CCDC124: variants seen among roughly 807,000 people sequenced by gnomAD.
CCDC124 encodes the protein coiled-coil domain-containing protein 124.
Under a neutral mutation model 19.8 loss-of-function variants are expected in CCDC124, and 9 were observed. The ratio of observed to expected loss-of-function variants is 0.45; its 90% CI spans 0.27 to 0.79. CCDC124 has a LOEUF of 0.79. Ranked by LOEUF, CCDC124 falls within the 30% of genes least tolerant of loss-of-function variation. CCDC124 has a pLI of 0.14. For missense variants in CCDC124, 285 were observed against 319.0 expected, an observed-to-expected ratio of 0.89 and a Z score of 0.81; for synonymous variants, 126 against 131.3, an observed-to-expected ratio of 0.96 and a Z score of 0.27.
At chr19:17,936,115 G>A (rs2031055842) in intron 1 of CCDC124, 3 of 258,774 alleles carry the variant, frequency 1.2e-5, no homozygotes, top group Admixed American at 5.3e-5. Flanking sequence ...GTGTTGGCCA[G>A]GCTAGTCTCG....
In CCDC124 at chr19:17,943,629, C is replaced by G. The variant is rs751482394; in HGVS notation, c.586C>G (p.Leu196Val). 1 of 1,612,874 alleles carries G rather than the reference C, an allele frequency of 6.2e-7. No individual in the cohort carries two copies. Among genetic ancestry groups the G allele is most frequent in the Non-Finnish European group, 8.5e-7 (1 of 1,179,968 alleles). ...QENPNMRLSQ[L>V]KQLLKKEWLR... ...GAACCCCAACATGCGGCTGTCGCAG[C>G]TGAAACAGCTGCTCAAGAAGGAGTG... The change falls in exon 5 of 5, where the codon CTG (leucine) becomes GTG (valine). Residue 196 changes from leucine to valine, a missense_variant. Leu to Val is a conservative substitution (Grantham distance 32, BLOSUM62 1). Transcript: ENST00000445755.
At chr19:17,935,379 G>C (rs1194726848) in intron 1 of CCDC124, among the ~76,000 whole-genome samples, 1 of 152,064 alleles carries the variant, frequency 6.6e-6, no homozygotes, top group Non-Finnish European at 1.5e-5. Context: ...GACAGAGGTG[G>C]TATTTGCACA....
At chr19:17,940,275 C>G (rs1323141262) in intron 2 of CCDC124, among the ~76,000 whole-genome samples, 1 of 152,074 alleles carries the variant, frequency 6.6e-6, no homozygotes, top group African/African-American at 2.4e-5. Flanking sequence ...GGTCAGAAAG[C>G]ATGTACCTCT....
chr19:17,936,553 C>G lies in CCDC124; in HGVS notation c.133C>G (p.His45Asp), dbSNP rs2031069526. 3 of 1,613,284 alleles carry G rather than the reference C, an allele frequency of 1.9e-6. No homozygotes were observed. The highest frequency in any genetic ancestry group is 2.5e-6 in the Non-Finnish European group (3 of 1,179,776). The change falls in exon 2 of 5, where the codon CAC becomes GAC. Residue 45 changes from histidine to aspartate, a missense_variant. Transcript: ENST00000445755. ...EDAYWKDDDK[H>D]VMRKEQRKEE... The stretch of plus-strand genomic sequence containing the variant: ...TGCCTACTGGAAGGACGACGACAAA[C>G]ACGTCATGAGGAAGGAGCAGCGCAA...
chr19:17,943,382 G>C lies in CCDC124; in HGVS notation c.464+7G>C. 4.4e-6 allele frequency: 7 copies of C among 1,576,476 alleles called. No homozygotes were observed. The highest frequency in any genetic ancestry group is 6.0e-6 in the Non-Finnish European group (7 of 1,164,918). ...ACGCCATTGCAGTGCTCAGGTAACG[G>C]GGCGGGGCCTGGGGCTTTCCCAGGG... is the stretch of plus-strand genomic sequence containing the variant. On this transcript the variant is annotated splice_region_variant and intron_variant, in intron 4 of 4. Coordinates refer to ENST00000445755, the MANE Select transcript of CCDC124 (RefSeq NM_001136203.2).
rs775448977 is a variant in CCDC124, at chr19:17,943,278, C to T, written c.367C>T (p.His123Tyr). 3.5e-6 allele frequency: 5 copies of T among 1,448,362 alleles called. No individual in the cohort carries two copies. The East Asian group carries it at 1.4e-4, about 41-fold the overall frequency. The allele number at this position is 1,448,362 out of a possible 1,614,324, so 89.7% of individuals were successfully genotyped here. A position where few individuals can be genotyped will look rare whatever the true frequency, so the allele number is the denominator to read the frequency against. Residue 123 changes from histidine (H) to tyrosine (Y), a missense_variant, in exon 4 of 5, where the codon CAT becomes TAT. Transcript: ENST00000445755. ...CCGCCCAGCCGAGAAAGCCAAGAGCCATCTGGAGGTGCCGCTGGAGGAGAA... is the reference window on the plus strand; with the variant it reads ...CCGCCCAGCCGAGAAAGCCAAGAGCTATCTGGAGGTGCCGCTGGAGGAGAA... ...APDTAEKAKS[H>Y]LEVPLEENVN...
chr19:17,940,330 G>A (rs934268109), intron 2 of CCDC124, among the ~76,000 whole-genome samples: 4 of 152,166 alleles, frequency 2.6e-5, no homozygotes, highest in African/African-American at 9.7e-5. Flanking sequence ...TATGGAGGGG[G>A]TTGGACAGGC....
intron 2 of CCDC124, among the ~76,000 whole-genome samples, chr19:17,937,466 T>G (rs1228614026): frequency 6.6e-6 from 1 of 152,060 alleles, no homozygotes; most frequent in Non-Finnish European, 1.5e-5. Flanking sequence ...AGATGGTCAT[T>G]CTCACCGTGG....
chr19:17,939,416 A>T (rs2031127263), intron 2 of CCDC124, among the ~76,000 whole-genome samples: 1 of 152,016 alleles, frequency 6.6e-6, no homozygotes, highest in African/African-American at 2.4e-5. Context: ...AAAATAAAAC[A>T]AAAAGATCCA....
rs1160023166 is a variant in CCDC124 at position 17,942,812 on chromosome 19, C to G, written c.316C>G (p.Arg106Gly). The change falls in exon 3 of 5, where the codon CGA (arginine) becomes GGA (glycine). Residue 106 changes from arginine (R) to glycine (G), a missense_variant. Transcript: ENST00000445755. The surrounding 1 kb of genome is among the most constrained non-coding windows in gnomAD (Gnocchi z 4.2). ...TRAQIEDTLR[R>G]DHQLREAPDT... is the part of the protein sequence containing the mutation. Reference sequence around the variant, plus strand: ...GGCCCAGATCGAGGACACGCTGCGCCGAGACCATCAGCTCAGGGAGGCCCC... The same window carrying G: ...GGCCCAGATCGAGGACACGCTGCGCGGAGACCATCAGCTCAGGGAGGCCCC... The G allele has an allele frequency of 1.3e-6, 2 of 1,535,982 alleles. No homozygotes were observed. The highest frequency in any genetic ancestry group is 2.4e-5 in the East Asian group (1 of 40,864).
chr19:17,936,455 C>T lies in CCDC124; in HGVS notation c.35C>T (p.Ser12Leu), dbSNP rs372697039. ...PKKFQGENTKSAAARARRAEA... is the reference protein window; with the variant it reads ...PKKFQGENTKLAAARARRAEA... ...AAGTTCCAGGGTGAGAACACCAAGT[C>T]GGCAGCGGCCCGGGCACGTAGGGCA... The change falls in exon 2 of 5, where the codon TCG (serine) becomes TTG (leucine). Residue 12 changes from serine (S) to leucine (L), a missense_variant. Transcript: ENST00000445755. 52 of 1,613,272 alleles carry T rather than the reference C, an allele frequency of 3.2e-5. No individual in the cohort carries two copies. The highest frequency in any genetic ancestry group is 4.3e-5 in the Non-Finnish European group (51 of 1,179,860).
In CCDC124 at chr19:17,942,057, G is replaced by C. The variant is rs2031195405; in HGVS notation, c.160-599G>C. ...CCGTAGCCCAGATGTCCCTCATCCA[G>C]CCAGCATCAGGGCTTCCCTGGGCGG... On this transcript the variant is annotated intron_variant, in intron 2 of 4. Coordinates refer to ENST00000445755, the MANE Select transcript of CCDC124 (RefSeq NM_001136203.2). This position sits in a 1 kb window ranked among gnomAD's most constrained non-coding sequence, Gnocchi z 4.2. Among the ~76,000 whole-genome samples the C allele has an allele frequency of 6.6e-6, 1 of 152,156 alleles. No homozygotes were observed. The highest frequency in any genetic ancestry group is 1.9e-4 in the East Asian group (1 of 5,194).
At position 17,942,715 on chromosome 19, in the gene CCDC124, A is replaced by C. The variant is rs201985798; in HGVS notation, c.219A>C (p.Leu73=). The C allele has an allele frequency of 1.7e-5, 27 of 1,553,194 alleles. No individual in the cohort carries two copies. In the East Asian group the frequency reaches 5.7e-4, roughly 33 times the overall value. The change falls in exon 3 of 5, where the codon CTA becomes CTC. Residue 73 remains leucine (L), a synonymous_variant. Transcript: ENST00000445755. This position sits in a 1 kb window ranked among gnomAD's most constrained non-coding sequence, Gnocchi z 4.2. ...QLERKKETQR[L]LEEEDSKLKG... Reference sequence around the variant, plus strand: ...AACGTAAGAAGGAGACGCAGCGCCTACTGGAGGAGGAGGACTCCAAGCTCA... The same window carrying C: ...AACGTAAGAAGGAGACGCAGCGCCTCCTGGAGGAGGAGGACTCCAAGCTCA...
chr19:17,942,769 G>A lies in CCDC124; in HGVS notation c.273G>A (p.Thr91=), dbSNP rs986461196. 3 of 1,547,912 alleles carry A rather than the reference G, an allele frequency of 1.9e-6. No homozygotes were observed. The highest frequency in any genetic ancestry group is 2.1e-4 in the Middle Eastern group (1 of 4,716). The change falls in exon 3 of 5, where the codon ACG becomes ACA. Residue 91 remains threonine, a synonymous_variant. Coordinates refer to ENST00000445755, the MANE Select transcript of CCDC124 (RefSeq NM_001136203.2). This position sits in a 1 kb window ranked among gnomAD's most constrained non-coding sequence, Gnocchi z 4.2. ...GCGGCAAGGCGCCGCGGGTGGCCAC[G>A]TCCAGCAAGGTCACCCGGGCCCAGA... is the stretch of plus-strand genomic sequence containing the variant. ...LKGGKAPRVA[T]SSKVTRAQIE...
intron 2 of CCDC124, among the ~76,000 whole-genome samples, chr19:17,940,986 G>T (rs924106017): frequency 6.6e-6 from 1 of 151,544 alleles, no homozygotes; most frequent in African/African-American, 2.4e-5. Flanking sequence ...GGAGGAGCTT[G>T]CAGTGAGCCG....
In CCDC124 at chr19:17,943,499, C is replaced by T. The variant is rs1391005003; in HGVS notation, c.465-9C>T. 6.2e-7 allele frequency: 1 copy of T among 1,608,944 alleles called. No individual in the cohort carries two copies. On this transcript the variant is annotated splice_polypyrimidine_tract_variant and intron_variant, in intron 4 of 4. Coordinates refer to ENST00000445755, the MANE Select transcript of CCDC124 (RefSeq NM_001136203.2). ...CCCAAGGCCCCCTGACGCTCATGTC[C>T]ACCCCCAGCGTGGCGGAGGAGGCGG...
chr19:17,943,814 G>T lies in CCDC124; in HGVS notation c.*99G>T. ...GCTGCGAGGGTCACAGAGCGTTCCGGGGGCCAAGGCGCCGGGCCCCGGGGC... is the reference window on the plus strand; with the variant it reads ...GCTGCGAGGGTCACAGAGCGTTCCGTGGGCCAAGGCGCCGGGCCCCGGGGC... On this transcript the variant is annotated 3_prime_UTR_variant, in exon 5 of 5. Coordinates refer to ENST00000445755, the MANE Select transcript of CCDC124 (RefSeq NM_001136203.2). 7.9e-7 allele frequency: 1 copy of T among 1,262,552 alleles called. No homozygotes were observed. The highest frequency in any genetic ancestry group is 1.1e-6 in the Non-Finnish European group (1 of 897,746). The allele number at this position is 1,262,552 out of a possible 1,614,324, so 78.2% of individuals were successfully genotyped here.
Position 17,943,247 on chromosome 19 carries a change from AC to A in CCDC124, c.350-11del. 6.5e-6 allele frequency: 2 copies of A among 306,694 alleles called. No homozygotes were observed. The highest frequency in any genetic ancestry group is 6.4e-6 in the Non-Finnish European group (1 of 155,412). 19.0% of individuals were successfully genotyped at this position (306,694 alleles called of 1,614,324 possible). A position where few individuals can be genotyped will look rare whatever the true frequency, so the allele number is the denominator to read the frequency against. ...TTATCTCTCTCTGTCTCTGTCACCC[AC>A]CCACCCGCCCAGCCGAGAAAGCCAA... On this transcript the variant is annotated splice_polypyrimidine_tract_variant and intron_variant, in intron 3 of 4. Coordinates refer to ENST00000445755, the MANE Select transcript of CCDC124 (RefSeq NM_001136203.2).
Position 17,943,730 on chromosome 19 carries a change from G to C in CCDC124, c.*15G>C. 1 of 1,610,272 alleles carries C rather than the reference G, an allele frequency of 6.2e-7. No homozygotes were observed. The stretch of plus-strand genomic sequence containing the variant: ...CCCCCAAGTGAGCCCAGAACTTGGG[G>C]AGCCAGTTCACCCACGGGTGGTCCA... On this transcript the variant is annotated 3_prime_UTR_variant, in exon 5 of 5. Transcript: ENST00000445755.
Sources: gnomAD v4.1 joint callset for allele counts (sites outside exome capture counted in the v4.1 genomes callset) on GRCh38, gnomAD v4.1.1 for gene constraint, Gnocchi (gnomAD v3.1) non-coding constraint, MANE v1.5 for transcripts, NCBI Gene and HGNC (gene_info 2026-07-23, HGNC 2026-07-21) for gene names.